The following GRM4 variants were observed in gnomAD, a reference collection of about 807,000 sequenced individuals.
GRM4 encodes the protein metabotropic glutamate receptor 4.
GRM4 carries 28 observed loss-of-function variants against 81.7 expected under a neutral mutation model. The observed-to-expected ratio is 0.34, with a 90% CI of 0.25 to 0.47. GRM4 has a LOEUF of 0.47. Ranked by LOEUF, GRM4 falls within the 20% of genes least tolerant of loss-of-function variation. GRM4 has a pLI of 1.00. For synonymous variants in GRM4, 488 were observed against 528.8 expected (o/e 0.92, Z 1.06); for missense variants, 948 against 1,290.0 (o/e 0.73, Z 4.06).
At chr6:34,108,908 G>A (rs1769250568) in intron 2 of GRM4, among the ~76,000 whole-genome samples, 1 of 152,108 alleles carries the variant, frequency 6.6e-6, no homozygotes, top group African/African-American at 2.4e-5. Context: ...CAGGTAGAGT[G>A]CCTGCAACCC....
chr6:34,062,184 T>G (rs2127462482), intron 3 of GRM4, 156 bp from the exon 4 acceptor site: 4 of 715,020 alleles, frequency 5.6e-6, no homozygotes, highest in Non-Finnish European at 8.9e-6. Flanking sequence ...ATATGGGCTG[T>G]GCAGTCAGGA....
chr6:34,030,367 C>T (rs1487582591), intron 9 of GRM4, among the ~76,000 whole-genome samples: 1 of 152,182 alleles, frequency 6.6e-6, no homozygotes, highest in Non-Finnish European at 1.5e-5. Context: ...ATCTTAGACC[C>T]TTTGCCTGCT....
chr6:34,082,897 G>A (rs190541743), intron 3 of GRM4, among the ~76,000 whole-genome samples: 64 of 152,304 alleles, frequency 4.2e-4, no homozygotes, highest in Admixed American at 4.1e-3. Flanking sequence ...CCAGTGTCTG[G>A]GCTCTTGGCC....
intron 2 of GRM4, among the ~76,000 whole-genome samples, chr6:34,113,311 C>A (rs750177232): frequency 6.6e-6 from 1 of 152,034 alleles, no homozygotes; most frequent in African/African-American, 2.4e-5. Flanking sequence ...ACCACCACAC[C>A]TGGCTAATTT....
At chr6:34,028,891 C>T (rs949238099) in intron 9 of GRM4, among the ~76,000 whole-genome samples, 3 of 152,152 alleles carry the variant, frequency 2.0e-5, no homozygotes, top group South Asian at 2.1e-4. Flanking sequence ...TGACTGCCCC[C>T]GCAACGGTCC....
chr6:34,113,417 T>A (rs893526714), intron 2 of GRM4, among the ~76,000 whole-genome samples: 4 of 152,352 alleles, frequency 2.6e-5, no homozygotes, highest in African/African-American at 9.6e-5. Context: ...ATTACAGGCC[T>A]GAGCCACCAT....
chr6:34,041,371 A>C (rs992470193), intron 6 of GRM4, among the ~76,000 whole-genome samples: 1 of 152,178 alleles, frequency 6.6e-6, no homozygotes, highest in African/African-American at 2.4e-5. Context: ...CTTCTACCTC[A>C]GGGACAACCC....
intron 6 of GRM4, among the ~76,000 whole-genome samples, chr6:34,050,141 C>G (rs2127454775): frequency 6.6e-6 from 1 of 152,348 alleles, no homozygotes; most frequent in East Asian, 1.9e-4. Context: ...CTCCTCATTG[C>G]TCCCCCAGGC....
intron 2 of GRM4, among the ~76,000 whole-genome samples, chr6:34,102,558 T>C (rs571199202): frequency 6.6e-6 from 1 of 152,332 alleles, no homozygotes; most frequent in South Asian, 2.1e-4. Flanking sequence ...AGGCCTTCCC[T>C]GACCAATCCC....
chr6:34,028,948 T>C (rs1320718533), intron 9 of GRM4, among the ~76,000 whole-genome samples: 1 of 152,172 alleles, frequency 6.6e-6, no homozygotes, highest in East Asian at 1.9e-4. Flanking sequence ...GATATGGTGG[T>C]GGCAGCAGTC....
rs80056977 is a variant in GRM4, at chr6:34,141,345, C to A, written c.-364+4655G>T. Among the ~76,000 whole-genome samples, 530 of 152,348 alleles carry A rather than the reference C, an allele frequency of 3.5e-3. 4 individuals carry two copies. The highest frequency in any genetic ancestry group is 0.012 in the African/African-American group (491 of 41,590). ...GCCTTAGCTAGACACCACGGCCTGC[C>A]TGTCAGCATGGCTCGGCCCCAAATG... On this transcript the variant is annotated intron_variant, in intron 1 of 10. Transcript: ENST00000538487.
chr6:34,094,846 G>A (rs181154883), intron 2 of GRM4, among the ~76,000 whole-genome samples: 169 of 152,310 alleles, frequency 1.1e-3, no homozygotes, highest in African/African-American at 4.0e-3. Context: ...TGGAAACAGA[G>A]GCCCCCCCAA....
rs940953846 is a variant in GRM4 at position 34,114,055 on chromosome 6, G to C, written c.519+18923C>G. On this transcript the variant is annotated intron_variant, in intron 2 of 10. Transcript: ENST00000538487. The surrounding 1 kb of genome is among the most constrained non-coding windows in gnomAD (Gnocchi z 4.3). ...CCTGGCTGCCTTCCTCACTCACCTG[G>C]GTCTGTGTTCCAAAGTCCCCTCCCC... 2.0e-5 allele frequency among the ~76,000 whole-genome samples: 3 copies of C among 151,944 alleles called. No homozygotes were observed. The highest frequency in any genetic ancestry group is 7.3e-5 in the African/African-American group (3 of 41,352).
intron 2 of GRM4, chr6:34,102,197 G>T: frequency 2.6e-6 from 4 of 1,516,778 alleles, no homozygotes; most frequent in Non-Finnish European, 3.5e-6. Flanking sequence ...CCCACTTCCT[G>T]CAAAATTCAC....
chr6:34,084,075 G>A (rs1328500301), intron 3 of GRM4, among the ~76,000 whole-genome samples: 5 of 152,228 alleles, frequency 3.3e-5, no homozygotes, highest in African/African-American at 1.2e-4. Flanking sequence ...TCTTCAGGAT[G>A]GGTCCAAATT....
At chr6:34,148,255 C>T (rs1770979173), upstream of GRM4, among the ~76,000 whole-genome samples, 1 of 152,290 alleles carries the variant, frequency 6.6e-6, no homozygotes, top group Admixed American at 6.5e-5. Context: ...GCTCCGTCAG[C>T]GGCCCTCACC....
chr6:34,058,309 T>C (rs1229786497), intron 5 of GRM4, among the ~76,000 whole-genome samples: 1 of 152,176 alleles, frequency 6.6e-6, no homozygotes, highest in Non-Finnish European at 1.5e-5. Context: ...TGTGTGACTT[T>C]GAGCAAGTCC....
At chr6:34,087,480 G>A (rs951484956) in intron 3 of GRM4, among the ~76,000 whole-genome samples, 7 of 147,920 alleles carry the variant, frequency 4.7e-5, no homozygotes, top group African/African-American at 1.7e-4. Flanking sequence ...GCTTGCCACC[G>A]CCTGCCTTTC....
At chr6:34,044,683 C>CAGACACACAT (rs1765245363) in intron 6 of GRM4, among the ~76,000 whole-genome samples, 1 of 144,576 alleles carries the variant, frequency 6.9e-6, no homozygotes, top group Non-Finnish European at 1.5e-5. Flanking sequence ...CACACACACA[C>CAGACACACAT]AGACATACAT....
Sources: allele counts gnomAD v4.1 joint callset (sites outside exome capture counted in the v4.1 genomes callset), GRCh38; gene constraint gnomAD v4.1.1; non-coding constraint Gnocchi (gnomAD v3.1); transcripts MANE v1.5; gene names NCBI Gene and HGNC (gene_info 2026-07-23, HGNC 2026-07-21).